Variants in ANKMY1 observed in about 807,000 individuals in gnomAD.
The protein encoded by ANKMY1 is ankyrin repeat and MYND domain containing 1.
In ANKMY1, 98 loss-of-function variants were observed where a neutral mutation model predicts 102.0. The ratio of observed to expected loss-of-function variants is 0.96; its 90% CI spans 0.82 to 1.14. The LOEUF (loss-of-function observed/expected upper bound fraction) is 1.14, where lower values mean the gene tolerates loss of function less well. ANKMY1 is among the 50% of genes most tolerant of loss of function. The probability of loss-of-function intolerance (pLI) is 0.00; values close to 1 mark genes in which losing one functional copy is unlikely to be tolerated. For missense variants in ANKMY1, 1,330 were observed against 1,347.6 expected (o/e 0.99, Z 0.20); for synonymous variants, 582 against 559.9 (o/e 1.04, Z -0.56).
chr2:240,521,355 G>A (rs1399148941), intron 8 of ANKMY1, among the ~76,000 whole-genome samples: 4 of 152,278 alleles, frequency 2.6e-5, no homozygotes, highest in East Asian at 3.9e-4. Context: ...GTTGACGTGG[G>A]TGCTGGCTCT....
intron 4 of ANKMY1, among the ~76,000 whole-genome samples, chr2:240,551,940 A>G (rs1047096496): frequency 5.9e-5 from 9 of 152,252 alleles, no homozygotes; most frequent in Admixed American, 5.9e-4. Flanking sequence ...AAAAGTATCA[A>G]AGAGCTGAAA....
At chr2:240,490,298 T>G (rs2076499105) in intron 15 of ANKMY1, among the ~76,000 whole-genome samples, 1 of 152,176 alleles carries the variant, frequency 6.6e-6, no homozygotes, top group African/African-American at 2.4e-5. Flanking sequence ...TTTATCTATT[T>G]TCTTCTAATT....
chr2:240,504,340 C>T (rs1202109181), intron 13 of ANKMY1, among the ~76,000 whole-genome samples: 1 of 152,110 alleles, frequency 6.6e-6, no homozygotes, highest in South Asian at 2.1e-4. Flanking sequence ...CAGGAGGCTA[C>T]GGAAAAGTAT....
intron 4 of ANKMY1, among the ~76,000 whole-genome samples, chr2:240,538,594 G>A (rs527469056): frequency 1.3e-5 from 2 of 152,250 alleles, no homozygotes; most frequent in East Asian, 1.9e-4. Context: ...TCCCCGACAG[G>A]CGCCGCCCCC....
At chr2:240,527,072 A>T in intron 5 of ANKMY1, 1 of 700,118 alleles carries the variant, frequency 1.4e-6, no homozygotes, top group Non-Finnish European at 1.7e-6. Context: ...GAGTGAATTG[A>T]TGGATGAATG....
Position 240,526,381 on chromosome 2 carries a change from C to A in ANKMY1, c.1018G>T (p.Ala340Ser). The change falls in exon 6 of 18, where the codon GCA (alanine) becomes TCA (serine). Residue 340 changes from alanine (A) to serine (S), a missense_variant. Transcript: ENST00000401804. ...AILEGKRSGF[A>S]PCGPKEQLSM... ...AGTTGCTCTTTGGGCCCACAGGGTG[C>A]AAAGCCACTGCGCTTCCCCTCCAGG... 1 of 1,614,246 alleles carries A rather than the reference C, an allele frequency of 6.2e-7. No individual in the cohort carries two copies. Among genetic ancestry groups the A allele is most frequent in the South Asian group, 1.1e-5 (1 of 91,090 alleles).
chr2:240,502,918 T>C (rs940537622), intron 13 of ANKMY1, among the ~76,000 whole-genome samples: 1 of 149,914 alleles, frequency 6.7e-6, no homozygotes, highest in Non-Finnish European at 1.5e-5. Context: ...AATGACCCCG[T>C]TCCCCTGCTG....
downstream of ANKMY1, among the ~76,000 whole-genome samples, chr2:240,476,308 GACCCTTATCTTACACCATAT>G (rs1303384514): frequency 1.8e-4 from 28 of 152,154 alleles, no homozygotes; most frequent in East Asian, 1.3e-3. Context: ...AGAGAAATTG[GACCCTTATCTTACACCATAT>G]ACCCTTATCT....
chr2:240,508,236 C>T (rs541394375), intron 12 of ANKMY1, among the ~76,000 whole-genome samples: 37 of 152,374 alleles, frequency 2.4e-4, no homozygotes, highest in African/African-American at 8.4e-4. Flanking sequence ...TGGCCAGACA[C>T]GGGTCCTTAG....
At chr2:240,539,738 C>T (rs1436037630) in intron 4 of ANKMY1, among the ~76,000 whole-genome samples, 2 of 152,186 alleles carry the variant, frequency 1.3e-5, no homozygotes, top group Non-Finnish European at 2.9e-5. Flanking sequence ...TGTCAGATGC[C>T]AGACTCAAAA....
At chr2:240,505,084 T>C (rs892944184) in intron 13 of ANKMY1, among the ~76,000 whole-genome samples, 7 of 152,136 alleles carry the variant, frequency 4.6e-5, no homozygotes, top group African/African-American at 7.2e-5. Context: ...GGTGATAGTC[T>C]GGAGTGACTG....
chr2:240,511,825 A>T, intron 11 of ANKMY1, 36 bp downstream of exon 11: 1 of 1,548,720 alleles, frequency 6.5e-7, no homozygotes, highest in Non-Finnish European at 8.6e-7. Flanking sequence ...ACCGCTGGGC[A>T]GCCCTGTGCC....
chr2:240,546,850 G>A (rs1348288679), intron 4 of ANKMY1, among the ~76,000 whole-genome samples: 1 of 152,186 alleles, frequency 6.6e-6, no homozygotes, highest in Non-Finnish European at 1.5e-5. Context: ...GGAGCGCCCA[G>A]ATTCATAAAG....
intron 4 of ANKMY1, among the ~76,000 whole-genome samples, chr2:240,542,341 C>T (rs1456340117): frequency 2.6e-5 from 4 of 151,790 alleles, no homozygotes; most frequent in South Asian, 2.1e-4. Context: ...CCCATCTCTA[C>T]TAAAAATACA....
intron 13 of ANKMY1, among the ~76,000 whole-genome samples, chr2:240,507,284 C>T (rs1279124867): frequency 6.6e-6 from 1 of 151,992 alleles, no homozygotes; most frequent in East Asian, 1.9e-4. Flanking sequence ...GACCCCACCC[C>T]CAGACCCCAC....
At chr2:240,524,946 T>C (rs2083055152) in intron 7 of ANKMY1, among the ~76,000 whole-genome samples, 1 of 152,056 alleles carries the variant, frequency 6.6e-6, no homozygotes, top group South Asian at 2.1e-4. Context: ...AGCCCAAGAG[T>C]CCCACAGACA....
At chr2:240,509,060 GGTAGATGGATGGGTGA>G (rs1400683220) in intron 12 of ANKMY1, among the ~76,000 whole-genome samples, 1 of 151,990 alleles carries the variant, frequency 6.6e-6, no homozygotes, top group Non-Finnish European at 1.5e-5. Context: ...ATGAGTGGAG[GGTAGATGGATGGGTGA>G]GTAGATGGAT....
the ANKMY1 span, among the ~76,000 whole-genome samples, chr2:240,470,869 CAT>C: frequency 4.3e-4 from 65 of 152,278 alleles, no homozygotes; most frequent in Non-Finnish European, 8.1e-4. Context: ...CTAAAAACCT[CAT>C]GTGCTGAAAA....
the ANKMY1 span, among the ~76,000 whole-genome samples, chr2:240,473,688 T>C: frequency 6.6e-6 from 1 of 152,224 alleles, no homozygotes; most frequent in Non-Finnish European, 1.5e-5. Flanking sequence ...TGGATGTGGA[T>C]ATATGTTGAT....
Sources: allele counts gnomAD v4.1 joint callset (sites outside exome capture counted in the v4.1 genomes callset), GRCh38; gene constraint gnomAD v4.1.1; transcripts MANE v1.5; gene names NCBI Gene and HGNC (gene_info 2026-07-23, HGNC 2026-07-21).